The following PPP1CB variants were observed in gnomAD, a reference collection of about 807,000 sequenced individuals.
The protein encoded by PPP1CB is protein phosphatase 1 catalytic subunit beta, also known as serine/threonine-protein phosphatase PP1-beta catalytic subunit.
Under a neutral mutation model 43.7 loss-of-function variants are expected in PPP1CB, and 2 were observed. The ratio of observed to expected loss-of-function variants is 0.05; its 90% CI spans 0.02 to 0.14. The LOEUF (loss-of-function observed/expected upper bound fraction) is 0.14. Ranked by LOEUF, PPP1CB falls within the 10% of genes least tolerant of loss-of-function variation. PPP1CB has a pLI of 1.00. For synonymous variants in PPP1CB, 136 were observed against 135.6 expected (o/e 1.00, Z -0.02); for missense variants, 84 against 398.0 (o/e 0.21, Z 6.71).
intron 5 of PPP1CB, among the ~76,000 whole-genome samples, chr2:28,788,379 A>G (rs1211598313): frequency 6.6e-6 from 1 of 152,214 alleles, no homozygotes; most frequent in East Asian, 1.9e-4. Context: ...AGCCTTTTCC[A>G]TGTATTGTTG....
intron 1 of PPP1CB, among the ~76,000 whole-genome samples, chr2:28,756,057 C>G (rs1054066099): frequency 6.6e-6 from 1 of 152,172 alleles, no homozygotes; most frequent in Non-Finnish European, 1.5e-5. Context: ...TGCTTTACAT[C>G]ATTAGAATAT....
chr2:28,788,291 A>C (rs1316523865), intron 5 of PPP1CB, among the ~76,000 whole-genome samples: 1 of 152,216 alleles, frequency 6.6e-6, no homozygotes, highest in African/African-American at 2.4e-5. Context: ...GTGGAACCGT[A>C]AGGAAAGGAT....
rs760476438 is a variant in PPP1CB at position 28,800,389 on chromosome 2, A to C, written c.*1086A>C. 2 of 152,250 alleles carry C rather than the reference A, an allele frequency of 1.3e-5. No individual in the cohort carries two copies. Among genetic ancestry groups the C allele is most frequent in the Admixed American group, 6.6e-5 (1 of 15,230 alleles). The allele number at this position is 152,250 out of a possible 1,614,324, so 9.4% of individuals were successfully genotyped here. ...TGCTGGTCAGTGGGACATTTTGTCA[A>C]CTATGGGTATTGGGTGCTTAACTGT... is the stretch of plus-strand genomic sequence containing the variant. On this transcript the variant is annotated 3_prime_UTR_variant, in exon 8 of 8. Coordinates refer to ENST00000395366, the MANE Select transcript of PPP1CB (RefSeq NM_002709.3).
At chr2:28,796,791 C>T (rs1667505400) in intron 7 of PPP1CB, among the ~76,000 whole-genome samples, 1 of 152,102 alleles carries the variant, frequency 6.6e-6, no homozygotes, top group Admixed American at 6.6e-5. Context: ...ATTACTCTGG[C>T]AGGGACTTTC....
chr2:28,790,443 G>C (rs1667363010), intron 6 of PPP1CB, among the ~76,000 whole-genome samples: 1 of 152,062 alleles, frequency 6.6e-6, no homozygotes, highest in Non-Finnish European at 1.5e-5. Context: ...AGGTTCAAGT[G>C]ATTCTCCTGC....
intron 1 of PPP1CB, among the ~76,000 whole-genome samples, chr2:28,767,109 A>G (rs6710080): frequency 0.57 from 85,899 of 151,420 alleles, 24,848 homozygotes; most frequent in Middle Eastern, 0.64. Context: ...ATTGTCTCAA[A>G]AAATACATAG....
chr2:28,779,942 G>C (rs1303735779), intron 3 of PPP1CB, among the ~76,000 whole-genome samples: 2 of 152,118 alleles, frequency 1.3e-5, no homozygotes, highest in African/African-American at 2.4e-5. Context: ...CTCCAGCATT[G>C]ATTGGCCTTC....
In PPP1CB at chr2:28,793,802, T is replaced by A. The variant is rs1667440037; in HGVS notation, c.745-61T>A. The A allele has an allele frequency of 3.8e-6, 6 of 1,594,734 alleles. No homozygotes were observed. The South Asian group carries it at 5.6e-5, about 15-fold the overall frequency. ...TCTTTGCCACCTTAACCTTAATTAG[T>A]ATAGATGGTTCAGAATTACCCACCA... is the stretch of plus-strand genomic sequence containing the variant. On this transcript the variant is annotated intron_variant, in intron 6 of 7. Transcript: ENST00000395366.
intron 5 of PPP1CB, among the ~76,000 whole-genome samples, chr2:28,786,954 C>T (rs1008348387): frequency 3.6e-4 from 54 of 151,946 alleles, no homozygotes; most frequent in South Asian, 1.7e-3. Flanking sequence ...ATTTTGTGTG[C>T]TAGTGAATTT....
At chr2:28,788,858 TG>T (rs778140252) in intron 6 of PPP1CB, 49 bp downstream of exon 6, 2 of 1,506,150 alleles carry the variant, frequency 1.3e-6, no homozygotes, top group Non-Finnish European at 8.9e-7. Flanking sequence ...TTCTTTTTTT[TG>T]GGGGCAGACG....
At position 28,778,705 on chromosome 2, in the gene PPP1CB, A is replaced by G. The variant is rs767498739; in HGVS notation, c.185-104A>G. 2.5e-4 allele frequency: 173 copies of G among 698,348 alleles called. 1 individual carries two copies. The Middle Eastern group carries it at 4.0e-3, about 16-fold the overall frequency. 43.3% of individuals were successfully genotyped at this position (698,348 alleles called of 1,614,324 possible). Reference sequence around the variant, plus strand: ...AGTCACCAAATATAGCCCATACTCAAGGGTAGGGGAGGATTACACAGGATG... The same window carrying G: ...AGTCACCAAATATAGCCCATACTCAGGGGTAGGGGAGGATTACACAGGATG... On this transcript the variant is annotated intron_variant, in intron 2 of 7. Transcript: ENST00000395366.
intron 6 of PPP1CB, among the ~76,000 whole-genome samples, chr2:28,791,623 C>T (rs962760628): frequency 1.3e-5 from 2 of 152,092 alleles, no homozygotes; most frequent in Admixed American, 6.5e-5. Context: ...CCACCTCGCC[C>T]GGCCTGACAA....
intron 1 of PPP1CB, among the ~76,000 whole-genome samples, chr2:28,762,598 AGTG>A (rs1339672373): frequency 6.6e-6 from 1 of 152,222 alleles, no homozygotes; most frequent in Admixed American, 6.5e-5. Context: ...AAAATCAGCA[AGTG>A]GTGGTTTTTT....
At position 28,766,098 on chromosome 2, in the gene PPP1CB, A is replaced by G. The variant is rs1392930657; in HGVS notation, c.53-10753A>G. ...AGAGGCTACCTCGAATTAAAAGGGG[A>G]AAAATTACTAGATCTGCCGCAAAAT... On this transcript the variant is annotated intron_variant, in intron 1 of 7. Transcript: ENST00000395366. Among the ~76,000 whole-genome samples the G allele has an allele frequency of 4.6e-5, 7 of 152,280 alleles. No individual in the cohort carries two copies. In the East Asian group the frequency reaches 1.2e-3, roughly 25 times the overall value.
At chr2:28,770,402 G>T (rs1372741268) in intron 1 of PPP1CB, among the ~76,000 whole-genome samples, 5 of 143,608 alleles carry the variant, frequency 3.5e-5, no homozygotes, top group African/African-American at 1.3e-4. Context: ...AGGGGGGTGT[G>T]GGGGAGACGA....
intron 1 of PPP1CB, among the ~76,000 whole-genome samples, chr2:28,765,858 A>G (rs879479405): frequency 2.0e-5 from 3 of 152,216 alleles, no homozygotes; most frequent in Non-Finnish European, 2.9e-5. Flanking sequence ...AGTGAGCCTC[A>G]TTACACCACT....
At chr2:28,783,465 A>C (rs1371703837) in intron 4 of PPP1CB, among the ~76,000 whole-genome samples, 1 of 152,166 alleles carries the variant, frequency 6.6e-6, no homozygotes, top group Non-Finnish European at 1.5e-5. Flanking sequence ...GCCCTTTAAG[A>C]CATTAAAAGG....
chr2:28,784,151 C>T (rs1246803342), intron 5 of PPP1CB, among the ~76,000 whole-genome samples, 173 bp downstream of exon 5: 1 of 152,146 alleles, frequency 6.6e-6, no homozygotes, highest in African/African-American at 2.4e-5. Flanking sequence ...TTTCACTTTG[C>T]ACTGATCCTC....
Position 28,772,181 on chromosome 2 carries a change from A to G in PPP1CB, c.53-4670A>G, listed in dbSNP as rs138853060. On this transcript the variant is annotated intron_variant, in intron 1 of 7. Transcript: ENST00000395366. The stretch of plus-strand genomic sequence containing the variant: ...AAATTAGCTGGGCATGGTGGTGTGC[A>G]CCTGTAATCCCAGCTGCTCAGGAGG... Among the ~76,000 whole-genome samples the G allele has an allele frequency of 2.7e-3, 409 of 152,168 alleles. 3 individuals are homozygous for G. Among genetic ancestry groups the G allele is most frequent in the African/African-American group, 8.1e-3 (335 of 41,526 alleles).
Sources: allele counts gnomAD v4.1 joint callset (sites outside exome capture counted in the v4.1 genomes callset), GRCh38; gene constraint gnomAD v4.1.1; transcripts MANE v1.5; gene names NCBI Gene and HGNC (gene_info 2026-07-23, HGNC 2026-07-21).